Variants in DDX46 observed in about 807,000 individuals in gnomAD.
The protein encoded by DDX46 is DEAD-box helicase 46, also known as probable ATP-dependent RNA helicase DDX46.
Under a neutral mutation model 134.9 loss-of-function variants are expected in DDX46, and 30 were observed. That is an observed-to-expected ratio of 0.22 (90% CI 0.17 to 0.30). The LOEUF (loss-of-function observed/expected upper bound fraction) is 0.30. Ranked by LOEUF, DDX46 falls within the 10% of genes least tolerant of loss-of-function variation. The pLI is 1.00. For synonymous variants in DDX46, 415 were observed against 404.1 expected (o/e 1.03, Z -0.32); for missense variants, 622 against 1,248.7 (o/e 0.50, Z 7.56).
chr5:134,759,104 C>T, intron 1 of DDX46, 149 bp downstream of exon 1: 2 of 1,281,938 alleles, frequency 1.6e-6, no homozygotes, highest in Non-Finnish European at 2.1e-6. Flanking sequence ...GCTGGGGGAC[C>T]TCGGCTGAGG....
At position 134,807,731 on chromosome 5, in the gene DDX46, C is replaced by T; in HGVS notation, c.1955-17C>T. The T allele has an allele frequency of 8.1e-6, 13 of 1,598,178 alleles. No individual in the cohort carries two copies. The highest frequency in any genetic ancestry group is 1.0e-5 in the Non-Finnish European group (12 of 1,170,536). The stretch of plus-strand genomic sequence containing the variant: ...TTTAATTTGAACATGTTTTAAAGCT[C>T]TCTAATTTACTTGCAGGCATTGATC... On this transcript the variant is annotated splice_polypyrimidine_tract_variant and intron_variant, in intron 15 of 22. Coordinates refer to ENST00000452510, the MANE Select transcript of DDX46 (RefSeq NM_001300860.2).
At chr5:134,826,668 A>T (rs1428021252) in intron 21 of DDX46, 3 of 288,604 alleles carry the variant, frequency 1.0e-5, no homozygotes, top group African/African-American at 2.2e-5. Context: ...CAAATCACTA[A>T]TAGTCTTTTT....
intron 18 of DDX46, among the ~76,000 whole-genome samples, chr5:134,814,251 G>A (rs969994073): frequency 2.0e-5 from 3 of 151,926 alleles, no homozygotes; most frequent in African/African-American, 7.3e-5. Flanking sequence ...ATGTCGGTGC[G>A]GTACTATCTC....
intron 21 of DDX46, among the ~76,000 whole-genome samples, chr5:134,823,848 G>A (rs1033686710): frequency 5.3e-5 from 8 of 152,160 alleles, no homozygotes; most frequent in African/African-American, 1.7e-4. Context: ...GAGGAATGTG[G>A]CAATAAAACC....
chr5:134,778,565 T>C (rs1482168789), intron 6 of DDX46, among the ~76,000 whole-genome samples: 1 of 152,020 alleles, frequency 6.6e-6, no homozygotes, highest in East Asian at 1.9e-4. Context: ...TTTTGTTTCA[T>C]TTTATTTATT....
At chr5:134,774,323 T>G (rs1247992956) in intron 5 of DDX46, among the ~76,000 whole-genome samples, 1 of 151,884 alleles carries the variant, frequency 6.6e-6, no homozygotes, top group Non-Finnish European at 1.5e-5. Flanking sequence ...TATTTCACTG[T>G]ATATATATGC....
intron 20 of DDX46, among the ~76,000 whole-genome samples, chr5:134,818,530 C>T (rs532651003): frequency 9.8e-4 from 147 of 150,550 alleles, no homozygotes; most frequent in African/African-American, 3.1e-3. Context: ...GGTGAAACCC[C>T]GTCTCTACTA....
At chr5:134,783,747 C>G (rs1291263922) in intron 9 of DDX46, among the ~76,000 whole-genome samples, 1 of 150,670 alleles carries the variant, frequency 6.6e-6, no homozygotes, top group Non-Finnish European at 1.5e-5. Context: ...CAGGGTTTCT[C>G]CATGTTGGTG....
intron 1 of DDX46, 63 bp from the exon 2 acceptor site, chr5:134,763,841 G>A: frequency 6.9e-7 from 1 of 1,459,488 alleles, no homozygotes; most frequent in South Asian, 1.4e-5. Context: ...TAGAAAAAAT[G>A]TAATAAAATG....
intron 6 of DDX46, chr5:134,780,602 AGTAT>A (rs1465412734): frequency 6.7e-6 from 1 of 149,270 alleles, no homozygotes; most frequent in Non-Finnish European, 1.5e-5. Context: ...AAATAAATAA[AGTAT>A]GTATAATTAT....
chr5:134,783,378 C>T (rs980184931), intron 9 of DDX46, among the ~76,000 whole-genome samples: 24 of 148,524 alleles, frequency 1.6e-4, no homozygotes, highest in African/African-American at 5.7e-4. Context: ...CTCAGCCTTC[C>T]GAGTAGCTGA....
At position 134,783,068 on chromosome 5, in the gene DDX46, A is replaced by G. The variant is rs1324795910; in HGVS notation, c.1166+3A>G. 3 of 1,612,706 alleles carry G rather than the reference A, an allele frequency of 1.9e-6. No individual in the cohort carries two copies. The highest frequency in any genetic ancestry group is 1.7e-6 in the Non-Finnish European group (2 of 1,179,168). ...AAGATCTTAAATTCCCTCAAGAAGT[A>G]AGTGGTTGGTGGTTGTTTATGTTTT... On this transcript the variant is annotated splice_donor_region_variant and intron_variant, in intron 9 of 22. Coordinates refer to ENST00000452510, the MANE Select transcript of DDX46 (RefSeq NM_001300860.2).
intron 2 of DDX46, among the ~76,000 whole-genome samples, chr5:134,764,582 C>G (rs934450672): frequency 2.6e-5 from 4 of 152,128 alleles, no homozygotes; most frequent in Non-Finnish European, 5.9e-5. Flanking sequence ...CGTGTCCGAC[C>G]ATCAAACAGT....
chr5:134,811,294 C>CA lies in DDX46; in HGVS notation c.2223dup (p.Gly742ArgfsTer7). ...GACATAATTAAAGCTCTTGAATTGT[C>CA]AGGGACTGCAGTACCTCCTGATTTA... On this transcript the variant is annotated frameshift_variant, in exon 17 of 23. Coordinates refer to ENST00000452510, the MANE Select transcript of DDX46 (RefSeq NM_001300860.2). LOFTEE classifies it high-confidence loss of function. 1 of 1,614,004 alleles carries CA rather than the reference C, an allele frequency of 6.2e-7. No individual in the cohort carries two copies.
chr5:134,812,962 A>T (rs1448368909), intron 18 of DDX46, among the ~76,000 whole-genome samples: 1 of 147,324 alleles, frequency 6.8e-6, no homozygotes, highest in Admixed American at 6.8e-5. Context: ...TTTTTTTTTG[A>T]GACGGAGTCT....
intron 1 of DDX46, among the ~76,000 whole-genome samples, chr5:134,763,071 T>A (rs185396453): frequency 0.024 from 3,543 of 148,358 alleles, 58 homozygotes; most frequent in Non-Finnish European, 0.033. Context: ...AAAAAAAAAA[T>A]AATAATAATA....
At chr5:134,776,024 C>G (rs1334880733) in intron 5 of DDX46, among the ~76,000 whole-genome samples, 1 of 152,108 alleles carries the variant, frequency 6.6e-6, no homozygotes, top group African/African-American at 2.4e-5. Flanking sequence ...AGTTGAATAA[C>G]ACATACTTTG....
chr5:134,821,366 G>A (rs182099440), intron 21 of DDX46, among the ~76,000 whole-genome samples: 240 of 151,666 alleles, frequency 1.6e-3, no homozygotes, highest in Non-Finnish European at 2.7e-3. Context: ...TAGTAGGGAT[G>A]AGGTTTCACC....
intron 8 of DDX46, among the ~76,000 whole-genome samples, chr5:134,782,623 G>T (rs1018485543): frequency 6.6e-6 from 1 of 151,562 alleles, no homozygotes; most frequent in Non-Finnish European, 1.5e-5. Flanking sequence ...CACACCCCCC[G>T]TTCCCACCCC....
Sources: gnomAD v4.1 joint callset for allele counts (sites outside exome capture counted in the v4.1 genomes callset) on GRCh38, gnomAD v4.1.1 for gene constraint, MANE v1.5 for transcripts, NCBI Gene and HGNC (gene_info 2026-07-23, HGNC 2026-07-21) for gene names.